SERPINF2: variants seen among roughly 807,000 people sequenced by gnomAD.
SERPINF2 encodes the protein serpin family F member 2.
SERPINF2 carries 15 observed loss-of-function variants against 45.0 expected under a neutral mutation model. That is an observed-to-expected ratio of 0.33 (90% confidence interval 0.22 to 0.51). SERPINF2 has a LOEUF of 0.51. Among genes scored for constraint, SERPINF2 ranks in the 20% least tolerant of loss-of-function variants. The pLI is 0.97. For missense variants in SERPINF2, 518 were observed against 637.4 expected, an observed-to-expected ratio of 0.81 and a Z score of 2.02; for synonymous variants, 283 against 277.9, an observed-to-expected ratio of 1.02 and a Z score of -0.18.
In SERPINF2 at chr17:1,745,288, G is replaced by T. The variant is rs758533164; in HGVS notation, c.103-45G>T. ...ACTGGTGGCTTGGGCAGGGTGGGGG[G>T]CCTGTGGGAAGGGTCGGTCTCCATC... On this transcript the variant is annotated intron_variant, in intron 3 of 9. Transcript: ENST00000453066. This position sits in a 1 kb window ranked among gnomAD's most constrained non-coding sequence, Gnocchi z 6.2. The T allele has an allele frequency of 2.3e-6, 3 of 1,307,386 alleles. No homozygotes were observed. The highest frequency in any genetic ancestry group is 1.5e-5 in the African/African-American group (1 of 67,296). 81.0% of individuals were successfully genotyped at this position (1,307,386 alleles called of 1,614,324 possible). A position where few individuals can be genotyped will look rare whatever the true frequency, so the allele number is the denominator to read the frequency against.
Position 1,752,712 on chromosome 17 carries a change from G to A in SERPINF2, c.985G>A (p.Glu329Lys). 1 of 1,614,120 alleles carries A rather than the reference G, an allele frequency of 6.2e-7. No individual in the cohort carries two copies. The highest frequency in any genetic ancestry group is 8.5e-7 in the Non-Finnish European group (1 of 1,180,028). The change falls in exon 9 of 10, where the codon GAG (glutamate) becomes AAG (lysine). Residue 329 changes from glutamate to lysine, a missense_variant. By Grantham distance (56) the Glu-to-Lys change is moderately conservative. This residue lies in a region of SERPINF2 where 435 missense variants were observed against 577.3 expected (regional missense o/e 0.75). Coordinates refer to ENST00000453066, the MANE Select transcript of SERPINF2 (RefSeq NM_000934.4). ...WDTLHPPLVWERPTKVRLPKL... is the reference protein window; with the variant it reads ...WDTLHPPLVWKRPTKVRLPKL... ...CACCCTGCACCCACCTCTGGTGTGG[G>A]AGAGGCCCACCAAGGTCCGGCTGCC...
rs148076491 is a variant in SERPINF2 at position 1,747,352 on chromosome 17, A to C, written c.555A>C (p.Leu185=). The change falls in exon 7 of 10, where the codon CTA becomes CTC. Residue 185 remains leucine (L), a synonymous_variant. Coordinates refer to ENST00000453066, the MANE Select transcript of SERPINF2 (RefSeq NM_000934.4). ...ATTTCCTGGAACAATCCGAACAGCT[A>C]TTTGGGGCAAAGCCCGTGAGCCTGA... The part of the protein sequence containing the change: ...KEDFLEQSEQ[L]FGAKPVSLTG... 5 of 1,613,976 alleles carry C rather than the reference A, an allele frequency of 3.1e-6. No individual in the cohort carries two copies. The highest frequency in any genetic ancestry group is 2.7e-5 in the African/African-American group (2 of 74,928).
chr17:1,748,785 G>A (rs1325728852), intron 8 of SERPINF2, 45 bp downstream of exon 8: 11 of 1,006,940 alleles, frequency 1.1e-5, no homozygotes, highest in Non-Finnish European at 1.7e-5. Flanking sequence ...GCTGGGAGGT[G>A]GGGAAGGGAG....
intron 1 of SERPINF2, 83 bp from the exon 2 acceptor site, chr17:1,744,909 C>T (rs1465143663): frequency 1.8e-5 from 29 of 1,606,178 alleles, no homozygotes; most frequent in South Asian, 2.2e-5. Context: ...CAGGACTTGG[C>T]GTTATCTGTG....
chr17:1,751,647 G>A (rs1256250965), intron 8 of SERPINF2, among the ~76,000 whole-genome samples: 4 of 137,430 alleles, frequency 2.9e-5, no homozygotes, highest in Admixed American at 1.4e-4. Context: ...CCAGCTACTC[G>A]GGAGGCTGAG....
rs1025520610 is a variant in SERPINF2, at chr17:1,754,604, C to T, written c.*70C>T. On this transcript the variant is annotated 3_prime_UTR_variant, in exon 10 of 10. Coordinates refer to ENST00000453066, the MANE Select transcript of SERPINF2 (RefSeq NM_000934.4). Reference sequence around the variant, plus strand: ...CTCCACTCATGTGACTCTTTCCAACCGGCTTTGTGGCACTGGGGCAGGGGC... The same window carrying T: ...CTCCACTCATGTGACTCTTTCCAACTGGCTTTGTGGCACTGGGGCAGGGGC... 41 of 1,561,828 alleles carry T rather than the reference C, an allele frequency of 2.6e-5. No homozygotes were observed. The highest frequency in any genetic ancestry group is 6.7e-5 in the East Asian group (3 of 44,652).
chr17:1,754,540 CGTGGCT>C lies in SERPINF2; in HGVS notation c.*12_*17del, dbSNP rs1267152699. The stretch of plus-strand genomic sequence containing the variant: ...AGTTTGGCAGCCCCAAGTGAGGGGC[CGTGGCT>C]GTGGCATCCAGAGTCCCTGCCTGGA... On this transcript the variant is annotated 3_prime_UTR_variant, in exon 10 of 10. Coordinates refer to ENST00000453066, the MANE Select transcript of SERPINF2 (RefSeq NM_000934.4). 7 of 1,605,496 alleles carry C rather than the reference CGTGGCT, an allele frequency of 4.4e-6. No individual in the cohort carries two copies. The Middle Eastern group carries it at 8.3e-4, about 190-fold the overall frequency.
At chr17:1,746,673 T>A (rs1168449652) in intron 5 of SERPINF2, among the ~76,000 whole-genome samples, 1 of 152,082 alleles carries the variant, frequency 6.6e-6, no homozygotes, top group Admixed American at 6.5e-5. Context: ...GTGATCAACC[T>A]GCCTCAGCCT....
At chr17:1,753,948 G>T (rs1194875239) in intron 9 of SERPINF2, among the ~76,000 whole-genome samples, 174 bp from the exon 10 acceptor site, 2 of 152,222 alleles carry the variant, frequency 1.3e-5, no homozygotes, top group African/African-American at 2.4e-5. Flanking sequence ...GATCAGGGAA[G>T]GCTTCCTGGA....
intron 7 of SERPINF2, 127 bp from the exon 8 acceptor site, chr17:1,748,471 G>C: frequency 4.9e-6 from 6 of 1,224,272 alleles, no homozygotes; most frequent in Non-Finnish European, 7.1e-6. Flanking sequence ...TCCTTGAATG[G>C]ATTCTGGGTG....
intron 9 of SERPINF2, 131 bp from the exon 10 acceptor site, chr17:1,753,991 G>A (rs1038282876): frequency 1.1e-5 from 12 of 1,045,374 alleles, no homozygotes; most frequent in African/African-American, 4.7e-5. Context: ...CTTGGAAACC[G>A]GATAGGAATG....
intron 8 of SERPINF2, among the ~76,000 whole-genome samples, chr17:1,749,553 G>A (rs1353483042): frequency 2.6e-5 from 4 of 152,200 alleles, no homozygotes; most frequent in Admixed American, 1.3e-4. Flanking sequence ...GGCTGAGATC[G>A]CACCACTGCA....
At chr17:1,751,610 C>T (rs971380033) in intron 8 of SERPINF2, among the ~76,000 whole-genome samples, 19 of 136,114 alleles carry the variant, frequency 1.4e-4, no homozygotes, top group African/African-American at 4.2e-4. Flanking sequence ...AAAAATTAGC[C>T]GGGCGTAGTG....
At position 1,745,461 on chromosome 17, in the gene SERPINF2, T is replaced by A; in HGVS notation, c.165+66T>A. 5.2e-6 allele frequency: 1 copy of A among 193,364 alleles called. No individual in the cohort carries two copies. Among genetic ancestry groups the A allele is most frequent in the Non-Finnish European group, 9.8e-6 (1 of 102,252 alleles). 12.0% of individuals were successfully genotyped at this position (193,364 alleles called of 1,614,324 possible). Reference sequence around the variant, plus strand: ...AGGGAGGAGGGCCCATCGGCAGGGGTCGGGGGGTGGGGGCGCGTGCTGAGG... The same window carrying A: ...AGGGAGGAGGGCCCATCGGCAGGGGACGGGGGGTGGGGGCGCGTGCTGAGG... On this transcript the variant is annotated intron_variant, in intron 4 of 9. Coordinates refer to ENST00000453066, the MANE Select transcript of SERPINF2 (RefSeq NM_000934.4). This position sits in a 1 kb window ranked among gnomAD's most constrained non-coding sequence, Gnocchi z 6.2.
intron 9 of SERPINF2, 56 bp from the exon 10 acceptor site, chr17:1,754,066 C>A (rs147585128): frequency 6.3e-7 from 1 of 1,593,246 alleles, no homozygotes; most frequent in African/African-American, 1.3e-5. Flanking sequence ...CCAAGCAGCT[C>A]CAGGAGCCTG....
chr17:1,743,555 A>T (rs1023639732), intron 1 of SERPINF2, among the ~76,000 whole-genome samples: 7 of 151,848 alleles, frequency 4.6e-5, no homozygotes, highest in Admixed American at 4.6e-4. Flanking sequence ...GTCTCTACTA[A>T]AAATACAAAA....
At chr17:1,754,024 G>A in intron 9 of SERPINF2, 98 bp from the exon 10 acceptor site, 1 of 1,409,692 alleles carries the variant, frequency 7.1e-7, no homozygotes, top group Non-Finnish European at 9.9e-7. Flanking sequence ...GTGAGTTCAA[G>A]CTGTTCCCTG....
Position 1,743,630 on chromosome 17 carries a change from G to A in SERPINF2, c.-5+722G>A, listed in dbSNP as rs1597318763. ...CTCGGGAGGCTGAGGCAGGAGAATC[G>A]CTTTAACCCAGGAGGTGGAGGTTGC... On this transcript the variant is annotated intron_variant, in intron 1 of 9. Coordinates refer to ENST00000453066, the MANE Select transcript of SERPINF2 (RefSeq NM_000934.4). 2.0e-5 allele frequency among the ~76,000 whole-genome samples: 3 copies of A among 147,390 alleles called. No homozygotes were observed. In the East Asian group the frequency reaches 6.2e-4, roughly 30 times the overall value.
chr17:1,745,210 G>C lies in SERPINF2; in HGVS notation c.99G>C (p.Arg33=). 1 of 1,570,518 alleles carries C rather than the reference G, an allele frequency of 6.4e-7. No homozygotes were observed. Among genetic ancestry groups the C allele is most frequent in the East Asian group, 2.4e-5 (1 of 42,230 alleles). Residue 33 remains arginine, a synonymous_variant, in exon 3 of 10, where the codon CGG becomes CGC. Coordinates refer to ENST00000453066, the MANE Select transcript of SERPINF2 (RefSeq NM_000934.4). This position sits in a 1 kb window ranked among gnomAD's most constrained non-coding sequence, Gnocchi z 6.2. ...SPVSAMEPLG[R]QLTSGPNQEQ... ...TGAGCGCCATGGAGCCCTTGGGCCG[G>C]CAGGTACTGGGGAGTGAGGAGCCTG...
Sources: gnomAD v4.1 joint callset for allele counts (sites outside exome capture counted in the v4.1 genomes callset) on GRCh38, gnomAD v4.1.1 for gene constraint, gnomAD v4.1.1 regional missense constraint, Gnocchi (gnomAD v3.1) non-coding constraint, MANE v1.5 for transcripts, NCBI Gene and HGNC (gene_info 2026-07-23, HGNC 2026-07-21) for gene names.